PCMTD1: variants seen among roughly 807,000 people sequenced by gnomAD.
PCMTD1 encodes the protein protein-L-isoaspartate (D-aspartate) O-methyltransferase domain containing 1, also known as protein-L-isoaspartate O-methyltransferase domain-containing protein 1.
In PCMTD1, 12 loss-of-function variants were observed where a neutral mutation model predicts 37.6. The observed-to-expected ratio is 0.32, with a 90% CI of 0.20 to 0.52. PCMTD1 has a LOEUF of 0.52. Among genes scored for constraint, PCMTD1 ranks in the 20% least tolerant of loss-of-function variants. PCMTD1 has a pLI of 0.97. For missense variants in PCMTD1, 235 were observed against 421.3 expected, an observed-to-expected ratio of 0.56 and a Z score of 3.87; for synonymous variants, 117 against 135.8, an observed-to-expected ratio of 0.86 and a Z score of 0.96.
At chr8:51,877,967 G>T (rs1281390706) in intron 1 of PCMTD1, among the ~76,000 whole-genome samples, 1 of 152,176 alleles carries the variant, frequency 6.6e-6, no homozygotes, top group East Asian at 1.9e-4. Context: ...AAAACTCTGT[G>T]TGTGTGTAAT....
intron 1 of PCMTD1, among the ~76,000 whole-genome samples, chr8:51,867,586 T>C (rs2038575527): frequency 2.0e-5 from 3 of 151,484 alleles, no homozygotes. Flanking sequence ...ATAAAATCCA[T>C]TTATATATAT....
At chr8:51,837,872 C>T (rs755055245) in intron 3 of PCMTD1, among the ~76,000 whole-genome samples, 19 of 152,212 alleles carry the variant, frequency 1.2e-4, no homozygotes, top group Non-Finnish European at 2.4e-4. Context: ...CTCCACCTCT[C>T]GGGTTCAAGC....
At chr8:51,894,847 A>G (rs910507364) in intron 1 of PCMTD1, among the ~76,000 whole-genome samples, 3 of 152,216 alleles carry the variant, frequency 2.0e-5, no homozygotes, top group Middle Eastern at 3.4e-3. Context: ...TGACCTTTTG[A>G]TTTTGAGTCT....
intron 1 of PCMTD1, among the ~76,000 whole-genome samples, chr8:51,885,098 C>A (rs758768496): frequency 6.6e-6 from 1 of 152,164 alleles, no homozygotes; most frequent in Non-Finnish European, 1.5e-5. Flanking sequence ...AAAGACTACA[C>A]ACAAGCCACC....
Position 51,817,952 on chromosome 8 carries a change from T to C in PCMTD1, c.*2399A>G, listed in dbSNP as rs1307703746. On this transcript the variant is annotated 3_prime_UTR_variant, in exon 6 of 6. Transcript: ENST00000522514. ...CTGCAAAATAAACACCCAAATTAGA[T>C]GATACTTACTGTTTTAACTAGCTAT... 2 of 456,664 alleles carry C rather than the reference T, an allele frequency of 4.4e-6. No homozygotes were observed. The highest frequency in any genetic ancestry group is 4.4e-6 in the Non-Finnish European group (1 of 226,976). The allele number at this position is 456,664 out of a possible 1,614,324, so 28.3% of individuals were successfully genotyped here.
intron 1 of PCMTD1, among the ~76,000 whole-genome samples, chr8:51,879,667 GAC>G (rs577646072): frequency 4.6e-5 from 7 of 152,090 alleles, no homozygotes; most frequent in Non-Finnish European, 7.4e-5. Flanking sequence ...AAAAAAGTGA[GAC>G]AACTATGTAT....
chr8:51,898,601 G>C (rs868144131), intron 1 of PCMTD1, among the ~76,000 whole-genome samples: 63 of 152,254 alleles, frequency 4.1e-4, no homozygotes, highest in African/African-American at 1.3e-3. Context: ...AGGACGGGCC[G>C]AGGACGCGGC....
At chr8:51,889,439 A>G (rs777467544) in intron 1 of PCMTD1, among the ~76,000 whole-genome samples, 4 of 152,234 alleles carry the variant, frequency 2.6e-5, no homozygotes, top group African/African-American at 4.8e-5. Context: ...AAGGGATTAA[A>G]TAACTTCCTT....
chr8:51,865,657 GAC>G (rs2038544160), intron 1 of PCMTD1, among the ~76,000 whole-genome samples: 1 of 151,876 alleles, frequency 6.6e-6, no homozygotes, highest in South Asian at 2.1e-4. Context: ...CAATAAATTA[GAC>G]ACAGAGGGAA....
At chr8:51,856,562 A>G (rs1361014988) in intron 2 of PCMTD1, among the ~76,000 whole-genome samples, 1 of 152,254 alleles carries the variant, frequency 6.6e-6, no homozygotes, top group East Asian at 1.9e-4. Flanking sequence ...CTAAATGCTC[A>G]TAATGGCATT....
chr8:51,896,811 T>C (rs1216460574), intron 1 of PCMTD1, among the ~76,000 whole-genome samples: 1 of 149,356 alleles, frequency 6.7e-6, no homozygotes, highest in East Asian at 2.0e-4. Context: ...TTTTCGTTCA[T>C]AGGAGGTAAA....
intron 3 of PCMTD1, among the ~76,000 whole-genome samples, chr8:51,839,041 A>C (rs980262320): frequency 2.4e-4 from 36 of 152,186 alleles, no homozygotes; most frequent in Non-Finnish European, 4.6e-4. Context: ...TTAGGAGTTC[A>C]TTAAAATTTT....
At chr8:51,899,049 C>A, upstream of PCMTD1, 3 of 1,504,788 alleles carry the variant, frequency 2.0e-6, no homozygotes, top group Non-Finnish European at 1.8e-6. Context: ...AGAGGCGGGG[C>A]CCGGACCCGC....
At chr8:51,833,458 TA>T (rs1352126875) in intron 4 of PCMTD1, 59 bp downstream of exon 4, 13 of 1,404,968 alleles carry the variant, frequency 9.3e-6, no homozygotes, top group African/African-American at 1.5e-5. Flanking sequence ...TAAAATTTCT[TA>T]ACCTTAAACA....
chr8:51,837,860 A>G (rs952490166), intron 3 of PCMTD1, among the ~76,000 whole-genome samples: 1 of 151,908 alleles, frequency 6.6e-6, no homozygotes, highest in African/African-American at 2.4e-5. Context: ...GCTCACTGCA[A>G]CCTCCACCTC....
intron 2 of PCMTD1, among the ~76,000 whole-genome samples, chr8:51,858,651 TAC>T (rs2038427059): frequency 6.6e-6 from 1 of 152,248 alleles, no homozygotes. Flanking sequence ...ATCATAGTTT[TAC>T]AGACTGTTGT....
intron 1 of PCMTD1, among the ~76,000 whole-genome samples, chr8:51,864,224 T>C (rs2038517328): frequency 6.6e-6 from 1 of 152,206 alleles, no homozygotes; most frequent in African/African-American, 2.4e-5. Flanking sequence ...ATTTTAAATA[T>C]ATATGCAGTC....
At chr8:51,823,909 G>T (rs938074987) in intron 5 of PCMTD1, among the ~76,000 whole-genome samples, 1 of 152,106 alleles carries the variant, frequency 6.6e-6, no homozygotes, top group Non-Finnish European at 1.5e-5. Flanking sequence ...ATCAATAAAC[G>T]TAATCCATCA....
intron 5 of PCMTD1, among the ~76,000 whole-genome samples, chr8:51,828,341 G>A (rs1169580468): frequency 6.6e-6 from 1 of 152,176 alleles, no homozygotes; most frequent in Non-Finnish European, 1.5e-5. Context: ...GGAGAAAACA[G>A]TTTTGTTACT....
Sources: allele counts gnomAD v4.1 joint callset (sites outside exome capture counted in the v4.1 genomes callset), GRCh38; gene constraint gnomAD v4.1.1; transcripts MANE v1.5; gene names NCBI Gene and HGNC (gene_info 2026-07-23, HGNC 2026-07-21).